The following MORC1 variants were observed in gnomAD, a reference collection of about 807,000 sequenced individuals.
MORC1 encodes MORC family CW-type zinc finger protein 1.
In MORC1, 59 loss-of-function variants were observed where a neutral mutation model predicts 134.9. The ratio of observed to expected loss-of-function variants is 0.44; its 90% CI spans 0.35 to 0.54. The LOEUF is 0.54. Among genes scored for constraint, MORC1 ranks in the 20% least tolerant of loss-of-function variants. The pLI, the probability that MORC1 is intolerant of heterozygous loss-of-function variation, is 0.00. For missense variants in MORC1, 947 were observed against 1,134.5 expected (o/e 0.83, Z 2.37); for synonymous variants, 395 against 391.7 (o/e 1.01, Z -0.10).
In MORC1 at chr3:108,963,456, A is replaced by G; in HGVS notation, c.2757T>C (p.Asn919=). 4 of 1,610,554 alleles carry G rather than the reference A, an allele frequency of 2.5e-6. No homozygotes were observed. Among genetic ancestry groups the G allele is most frequent in the Non-Finnish European group, 3.4e-6 (4 of 1,179,310 alleles). ...ACAATAGTGCCAGTTTTATACGAAG[A>G]TTCTTCAGCTTATCCTCAGAGATTT... ...KRKISEDKLK[N]LRIKLALLLQ... Residue 919 remains asparagine, a synonymous_variant, in exon 27 of 28, where the codon AAT becomes AAC. Transcript: ENST00000232603.
rs17225637 is a variant in MORC1 at position 109,061,989 on chromosome 3, T to A, written c.965A>T (p.Lys322Met). Residue 322 changes from lysine (K) to methionine (M), a missense_variant and splice_region_variant, in exon 11 of 28, where the codon AAG becomes ATG. This residue lies in a region of MORC1 where 722 missense variants were observed against 817.0 expected (regional missense o/e 0.88). Coordinates refer to ENST00000232603, the MANE Select transcript of MORC1 (RefSeq NM_014429.4). Reference protein sequence around the residue: ...QCDRTSLSSAKDVLQRALEDV... With the variant: ...QCDRTSLSSAMDVLQRALEDV... ...GACTACTCTCTTTACATGTCGTACC[T>A]TGGCAGAAGATAAAGAGGTTCTGTC... The A allele has an allele frequency of 4.9e-3, 7,874 of 1,613,572 alleles. 32 individuals are homozygous for A. Among genetic ancestry groups the A allele is most frequent in the African/African-American group, 0.013 (944 of 75,060 alleles).
chr3:109,039,886 CT>C (rs973087646), intron 14 of MORC1, among the ~76,000 whole-genome samples: 1 of 151,832 alleles, frequency 6.6e-6, no homozygotes, highest in African/African-American at 2.4e-5. Flanking sequence ...GGACTGGTGT[CT>C]TTTTTTTACC....
chr3:109,083,441 T>C (rs1950559287), intron 8 of MORC1, among the ~76,000 whole-genome samples: 1 of 151,840 alleles, frequency 6.6e-6, no homozygotes, highest in Admixed American at 6.6e-5. Flanking sequence ...GACAAATCTA[T>C]CAAAAACAAT....
At chr3:109,077,829 CAA>C (rs147340146) in intron 8 of MORC1, among the ~76,000 whole-genome samples, 1 of 146,776 alleles carries the variant, frequency 6.8e-6, no homozygotes, top group South Asian at 2.2e-4. Flanking sequence ...TTAGAATAAG[CAA>C]AAAAAAAATC....
intron 21 of MORC1, among the ~76,000 whole-genome samples, chr3:108,989,792 T>C (rs1947996341): frequency 6.6e-6 from 1 of 152,134 alleles, no homozygotes; most frequent in Admixed American, 6.6e-5. Flanking sequence ...TCCCCTTCAG[T>C]CAGTAATTTA....
chr3:108,959,729 C>A (rs6804133), intron 27 of MORC1, among the ~76,000 whole-genome samples: 2 of 152,054 alleles, frequency 1.3e-5, no homozygotes, highest in Non-Finnish European at 2.9e-5. Context: ...GAAAAAACTA[C>A]GTAGGCATGG....
chr3:109,020,279 C>T (rs568681158), intron 17 of MORC1, among the ~76,000 whole-genome samples: 3 of 152,276 alleles, frequency 2.0e-5, no homozygotes, highest in African/African-American at 7.2e-5. Flanking sequence ...GGGGTCCCGC[C>T]AAGTGGAGGA....
rs1949111116 is a variant in MORC1, at chr3:109,027,599, C to T, written c.1704+152G>A. ...TTTTTACAAAACTCACCCTCTAGAACAGGTCTTAGATCCAAAATTAAAAGA... is the reference window on the plus strand; with the variant it reads ...TTTTTACAAAACTCACCCTCTAGAATAGGTCTTAGATCCAAAATTAAAAGA... On this transcript the variant is annotated intron_variant, in intron 17 of 27. Transcript: ENST00000232603. 9 of 926,824 alleles carry T rather than the reference C, an allele frequency of 9.7e-6. No individual in the cohort carries two copies. The South Asian group carries it at 1.2e-4, about 13-fold the overall frequency. 57.4% of individuals were successfully genotyped at this position (926,824 alleles called of 1,614,324 possible).
At chr3:109,022,838 G>A (rs999123436) in intron 17 of MORC1, among the ~76,000 whole-genome samples, 1 of 152,156 alleles carries the variant, frequency 6.6e-6, no homozygotes, top group Admixed American at 6.5e-5. Flanking sequence ...TATTGGGAAT[G>A]CAAAGATGAA....
At chr3:109,014,316 G>A (rs971442728) in intron 17 of MORC1, among the ~76,000 whole-genome samples, 3 of 152,016 alleles carry the variant, frequency 2.0e-5, no homozygotes, top group African/African-American at 7.3e-5. Context: ...GTTTTTATCT[G>A]TAGTACCTCA....
intron 12 of MORC1, among the ~76,000 whole-genome samples, chr3:109,058,420 C>T (rs1397002077): frequency 6.6e-6 from 1 of 152,076 alleles, no homozygotes; most frequent in African/African-American, 2.4e-5. Context: ...AAATAATTCT[C>T]CTGCACTTAC....
chr3:109,057,295 T>C, intron 13 of MORC1, 48 bp downstream of exon 13: 2 of 1,566,382 alleles, frequency 1.3e-6, no homozygotes, highest in South Asian at 2.5e-5. Flanking sequence ...AATCTTACTG[T>C]AACATCCCTT....
At chr3:108,994,865 A>T (rs1002779575) in intron 21 of MORC1, among the ~76,000 whole-genome samples, 2 of 152,066 alleles carry the variant, frequency 1.3e-5, no homozygotes, top group Non-Finnish European at 2.9e-5. Context: ...TATTCTTCCC[A>T]GTCACCTTTC....
rs564746471 is a variant in MORC1, at chr3:109,008,930, T to A, written c.1705-1839A>T. Among the ~76,000 whole-genome samples, 116 of 152,310 alleles carry A rather than the reference T, an allele frequency of 7.6e-4. 2 individuals carry two copies. Among genetic ancestry groups the A allele is most frequent in the African/African-American group, 2.7e-3 (113 of 41,576 alleles). The stretch of plus-strand genomic sequence containing the variant: ...TCTCCTATTACAGTTGAGGCAAACG[T>A]CAAACTACTTTTCCCCTTCTATCAC... On this transcript the variant is annotated intron_variant, in intron 17 of 27. Coordinates refer to ENST00000232603, the MANE Select transcript of MORC1 (RefSeq NM_014429.4).
At chr3:109,049,426 G>A (rs900023032) in intron 14 of MORC1, among the ~76,000 whole-genome samples, 4 of 152,022 alleles carry the variant, frequency 2.6e-5, no homozygotes, top group Non-Finnish European at 5.9e-5. Flanking sequence ...AGAAGGCCAG[G>A]GTCTGATTTT....
At chr3:109,115,972 C>T (rs1222732627) in intron 1 of MORC1, among the ~76,000 whole-genome samples, 1 of 152,058 alleles carries the variant, frequency 6.6e-6, no homozygotes. Flanking sequence ...GAATTCACTC[C>T]CTTGCAGAGT....
At chr3:109,009,669 T>C (rs575260436) in intron 17 of MORC1, among the ~76,000 whole-genome samples, 4 of 152,194 alleles carry the variant, frequency 2.6e-5, no homozygotes, top group Non-Finnish European at 5.9e-5. Flanking sequence ...AAGTGAACTG[T>C]TTTGTCCCTA....
intron 17 of MORC1, among the ~76,000 whole-genome samples, chr3:109,018,592 A>C (rs1313318636): frequency 6.6e-6 from 1 of 152,180 alleles, no homozygotes; most frequent in Non-Finnish European, 1.5e-5. Context: ...ATGTCCAGAT[A>C]CATTTTCTTA....
At chr3:109,105,454 C>T (rs1041476696) in intron 3 of MORC1, among the ~76,000 whole-genome samples, 10 of 152,056 alleles carry the variant, frequency 6.6e-5, no homozygotes, top group East Asian at 1.9e-4. Flanking sequence ...ACCCGGGAGG[C>T]GGAGGTTGCA....
Sources: gnomAD v4.1 joint callset for allele counts (sites outside exome capture counted in the v4.1 genomes callset) on GRCh38, gnomAD v4.1.1 for gene constraint, gnomAD v4.1.1 regional missense constraint, MANE v1.5 for transcripts, NCBI Gene and HGNC (gene_info 2026-07-23, HGNC 2026-07-21) for gene names.